DLGAP1: variants seen among roughly 807,000 people sequenced by gnomAD.
The protein encoded by DLGAP1 is DLG associated protein 1, also known as disks large-associated protein 1.
Under a neutral mutation model 90.8 loss-of-function variants are expected in DLGAP1, and 11 were observed. The observed-to-expected ratio is 0.12, with a 90% CI of 0.08 to 0.20. The LOEUF (loss-of-function observed/expected upper bound fraction) is 0.20. Ranked by LOEUF, DLGAP1 falls within the 10% of genes least tolerant of loss-of-function variation. DLGAP1 has a pLI of 1.00. For synonymous variants in DLGAP1, 558 were observed against 540.7 expected, an observed-to-expected ratio of 1.03 and a Z score of -0.44; for missense variants, 1,050 against 1,333.8, an observed-to-expected ratio of 0.79 and a Z score of 3.31.
At chr18:3,664,144 A>T (rs2059784045) in intron 7 of DLGAP1, among the ~76,000 whole-genome samples, 1 of 151,162 alleles carries the variant, frequency 6.6e-6, no homozygotes, top group Non-Finnish European at 1.5e-5. Context: ...CTGACTGCAG[A>T]TCTTGGGACT....
chr18:3,996,649 A>G (rs1239934111), intron 3 of DLGAP1, among the ~76,000 whole-genome samples: 1 of 151,966 alleles, frequency 6.6e-6, no homozygotes, highest in Non-Finnish European at 1.5e-5. Context: ...AACAAAATAT[A>G]TTATTAAAAT....
In DLGAP1 at chr18:3,729,404, T is replaced by C. The variant is rs1246610000; in HGVS notation, c.1351-29A>G. On this transcript the variant is annotated intron_variant, in intron 6 of 12. Transcript: ENST00000315677. This position sits in a 1 kb window ranked among gnomAD's most constrained non-coding sequence, Gnocchi z 6.2. ...CGGGCAGACACAGGCGTTGTGACAC[T>C]CGCCTCCACCTGGTGGAGGATCAAC... 5 of 1,594,362 alleles carry C rather than the reference T, an allele frequency of 3.1e-6. No individual in the cohort carries two copies. The Admixed American group carries it at 8.4e-5, about 27-fold the overall frequency.
chr18:3,745,431 G>C (rs2063227337), intron 5 of DLGAP1, among the ~76,000 whole-genome samples: 1 of 152,168 alleles, frequency 6.6e-6, no homozygotes, highest in African/African-American at 2.4e-5. Flanking sequence ...TTAGAGGGTA[G>C]ACTAAACTGG....
At chr18:3,773,200 GT>G (rs1163192496) in intron 5 of DLGAP1, among the ~76,000 whole-genome samples, 1 of 152,044 alleles carries the variant, frequency 6.6e-6, no homozygotes, top group Non-Finnish European at 1.5e-5. Context: ...GGTGGGCTCT[GT>G]TGCCTGTATT....
intron 2 of DLGAP1, among the ~76,000 whole-genome samples, chr18:4,008,536 G>A (rs2074352012): frequency 6.6e-6 from 1 of 152,148 alleles, no homozygotes; most frequent in South Asian, 2.1e-4. Context: ...GACAGGCACA[G>A]CAGTTGGATA....
At chr18:4,311,803 C>T (rs974981023) in intron 1 of DLGAP1, among the ~76,000 whole-genome samples, 5 of 152,126 alleles carry the variant, frequency 3.3e-5, no homozygotes, top group Admixed American at 2.0e-4. Flanking sequence ...GCAACCTCCA[C>T]CTCCCGGGTT....
chr18:4,443,226 CA>C (rs1391357491), intron 1 of DLGAP1, among the ~76,000 whole-genome samples: 1 of 152,066 alleles, frequency 6.6e-6, no homozygotes, highest in Non-Finnish European at 1.5e-5. Context: ...TCCTTTGTTC[CA>C]GTAGTCAAAT....
intron 1 of DLGAP1, among the ~76,000 whole-genome samples, chr18:4,447,145 C>T (rs1304776609): frequency 1.3e-5 from 2 of 152,148 alleles, no homozygotes; most frequent in African/African-American, 4.8e-5. Context: ...ACGACTATTA[C>T]CCTACTGCAA....
In DLGAP1 at chr18:3,950,483, T is replaced by C. The variant is rs542970206; in HGVS notation, c.-73+54633A>G. ...CTAGATTATTGGATTAGCATCTTTC[T>C]TTCCCATGACAGAGCAAGCCTCCTG... On this transcript the variant is annotated intron_variant, in intron 3 of 12. Coordinates refer to ENST00000315677, the MANE Select transcript of DLGAP1 (RefSeq NM_004746.4). 7.2e-5 allele frequency among the ~76,000 whole-genome samples: 11 copies of C among 152,364 alleles called. No individual in the cohort carries two copies. In the South Asian group the frequency reaches 8.3e-4, roughly 11 times the overall value.
At chr18:3,944,130 T>C (rs1485860660) in intron 3 of DLGAP1, among the ~76,000 whole-genome samples, 1 of 152,218 alleles carries the variant, frequency 6.6e-6, no homozygotes, top group Non-Finnish European at 1.5e-5. Flanking sequence ...TGTGTCTGTG[T>C]GTGTAGTGAC....
intron 6 of DLGAP1, among the ~76,000 whole-genome samples, chr18:3,733,291 C>A (rs2062511479): frequency 6.6e-6 from 1 of 152,156 alleles, no homozygotes; most frequent in Non-Finnish European, 1.5e-5. Context: ...TTAATGTTTG[C>A]CGCTACAGGT....
intron 3 of DLGAP1, among the ~76,000 whole-genome samples, chr18:4,002,443 C>CTCCCCGGCTGCTGCCACCCCGAG (rs1325752453): frequency 5.9e-5 from 9 of 152,214 alleles, no homozygotes; most frequent in Admixed American, 1.3e-4. Context: ...TCTTCTCCCT[C>CTCCCCGGCTGCTGCCACCCCGAG]ATCAGCCTAC....
chr18:4,370,630 G>C (rs1379123991), intron 1 of DLGAP1, among the ~76,000 whole-genome samples: 6 of 152,152 alleles, frequency 3.9e-5, no homozygotes, highest in Non-Finnish European at 8.8e-5. Context: ...CCCTCCAGAG[G>C]GATGTGGCAG....
At position 3,764,730 on chromosome 18, in the gene DLGAP1, T is replaced by A. The variant is rs191976027; in HGVS notation, c.1173-22218A>T. Among the ~76,000 whole-genome samples the A allele has an allele frequency of 2.6e-5, 4 of 152,384 alleles. No homozygotes were observed. In the East Asian group the frequency reaches 7.7e-4, roughly 29 times the overall value. Reference sequence around the variant, plus strand: ...AGTGAGATGACATTTACTCTTTTCCTGGTACATTCCTCATGGTTCCTAAAA... The same window carrying A: ...AGTGAGATGACATTTACTCTTTTCCAGGTACATTCCTCATGGTTCCTAAAA... On this transcript the variant is annotated intron_variant, in intron 5 of 12. Transcript: ENST00000315677.
At chr18:4,438,431 C>CAAAAAAAAAAAAAA (rs11389361) in intron 1 of DLGAP1, among the ~76,000 whole-genome samples, 1 of 52,108 alleles carries the variant, frequency 1.9e-5, no homozygotes, top group Non-Finnish European at 3.1e-5. Context: ...GACTCCATCT[C>CAAAAAAAAAAAAAA]AAAAAAAAAA....
chr18:3,938,140 G>A (rs2072683340), intron 3 of DLGAP1, among the ~76,000 whole-genome samples: 1 of 152,190 alleles, frequency 6.6e-6, no homozygotes, highest in Non-Finnish European at 1.5e-5. Context: ...ACTAGAAGCC[G>A]AAACATACAC....
chr18:3,688,614 GACACACAC>G (rs60415611), intron 7 of DLGAP1, among the ~76,000 whole-genome samples: 11,508 of 100,494 alleles, frequency 0.11, 655 homozygotes, highest in South Asian at 0.17. Flanking sequence ...ATTAAAAAAA[GACACACAC>G]ACACACACAC....
chr18:4,026,384 T>A (rs1030316659), intron 2 of DLGAP1, among the ~76,000 whole-genome samples: 3 of 152,176 alleles, frequency 2.0e-5, no homozygotes, highest in Non-Finnish European at 4.4e-5. Flanking sequence ...TTTAAAAGTA[T>A]AATGAAGCCA....
intron 2 of DLGAP1, among the ~76,000 whole-genome samples, chr18:4,137,075 A>G (rs903130990): frequency 1.1e-4 from 16 of 151,170 alleles, no homozygotes; most frequent in African/African-American, 2.2e-4. Context: ...AACAGGCCCC[A>G]GTGTGTGATG....
Sources: allele counts gnomAD v4.1 joint callset (sites outside exome capture counted in the v4.1 genomes callset), GRCh38; gene constraint gnomAD v4.1.1; non-coding constraint Gnocchi (gnomAD v3.1); transcripts MANE v1.5; gene names NCBI Gene and HGNC (gene_info 2026-07-23, HGNC 2026-07-21).